Variants in ELFN2 observed in about 807,000 individuals in gnomAD.
The protein encoded by ELFN2 is extracellular leucine rich repeat and fibronectin type III domain containing 2, also known as protein phosphatase 1 regulatory subunit 29.
ELFN2 carries 17 observed loss-of-function variants against 45.5 expected under a neutral mutation model. The ratio of observed to expected loss-of-function variants is 0.37; its 90% confidence interval spans 0.26 to 0.56. ELFN2 has a LOEUF of 0.56. Among genes scored for constraint, ELFN2 ranks in the 20% least tolerant of loss-of-function variants. The probability of loss-of-function intolerance (pLI) is 0.77; values close to 1 mark genes in which losing one functional copy is unlikely to be tolerated. For missense variants in ELFN2, 922 were observed against 1,183.2 expected (o/e 0.78, Z 3.24); for synonymous variants, 550 against 551.5 (o/e 1.00, Z 0.04).
downstream of ELFN2, among the ~76,000 whole-genome samples, chr22:37,367,589 C>T (rs1211969464): frequency 1.1e-4 from 16 of 152,346 alleles, no homozygotes; most frequent in Admixed American, 4.6e-4. Flanking sequence ...AATGCCCCCA[C>T]ATGGCCCTGC....
In ELFN2 at chr22:37,373,539, T is replaced by C. The variant is rs942841275; in HGVS notation, c.1996A>G (p.Lys666Glu). The change falls in exon 3 of 3, where the codon AAG (lysine) becomes GAG (glutamate). Residue 666 changes from lysine to glutamate, a missense_variant. Transcript: ENST00000402918. ...LAKGDSKYIE[K>E]GSPLNSPLDR... ...AGCGGGCTGTTGAGGGGGCTGCCCT[T>C]CTCGATGTACTTGGAGTCGCCCTTA... 6.3e-7 allele frequency: 1 copy of C among 1,585,800 alleles called. No individual in the cohort carries two copies. The highest frequency in any genetic ancestry group is 1.1e-5 in the South Asian group (1 of 87,750).
intron 1 of ELFN2, among the ~76,000 whole-genome samples, chr22:37,346,896 G>A (rs79106441): frequency 0.086 from 13,087 of 152,092 alleles, 620 homozygotes; most frequent in South Asian, 0.18. Context: ...GAGACAGGGC[G>A]TGGCTGGACT....
chr22:37,412,277 C>CAAAAAAAAAAAAAAAAAAAAAAAAAAA (rs56073200), intron 2 of ELFN2, among the ~76,000 whole-genome samples: 4 of 92,304 alleles, frequency 4.3e-5, no homozygotes, highest in African/African-American at 1.8e-4. Context: ...AACTCCGTCT[C>CAAAAAAAAAAAAAAAAAAAAAAAAAAA]AAAAAAAAAA....
chr22:37,403,155 C>T (rs900538831), intron 2 of ELFN2, among the ~76,000 whole-genome samples: 6 of 152,022 alleles, frequency 3.9e-5, no homozygotes, highest in Admixed American at 3.3e-4. Context: ...ATCGCAAGTC[C>T]CCCATGAGGT....
intron 2 of ELFN2, among the ~76,000 whole-genome samples, chr22:37,380,902 T>C (rs557642427): frequency 3.7e-4 from 56 of 152,290 alleles, no homozygotes; most frequent in Non-Finnish European, 7.2e-4. Context: ...TGGAGCTCCC[T>C]GGGCCTCAGT....
rs1325278673 is a variant in ELFN2 at position 37,387,407 on chromosome 22, AC to A, written c.-462-11412del. Among the ~76,000 whole-genome samples, 4 of 151,696 alleles carry A rather than the reference AC, an allele frequency of 2.6e-5. No individual in the cohort carries two copies. The East Asian group carries it at 7.8e-4, about 29-fold the overall frequency. ...CTTTCTCCCCCCTTCTCTCTCCCTC[AC>A]TTCAGCCTTGTCATGCATGCAAATG... On this transcript the variant is annotated intron_variant, in intron 2 of 2. Transcript: ENST00000402918.
At chr22:37,410,171 G>A (rs562699331) in intron 2 of ELFN2, among the ~76,000 whole-genome samples, 1 of 152,280 alleles carries the variant, frequency 6.6e-6, no homozygotes, top group East Asian at 1.9e-4. Flanking sequence ...CAAACAGACG[G>A]GGCAGGGCCA....
At chr22:37,356,685 C>T (rs1930958002) in intron 1 of ELFN2, among the ~76,000 whole-genome samples, 1 of 152,162 alleles carries the variant, frequency 6.6e-6, no homozygotes, top group African/African-American at 2.4e-5. Context: ...ACACTGATCC[C>T]TCACAATGAC....
chr22:37,379,410 T>C (rs529789979), intron 2 of ELFN2, among the ~76,000 whole-genome samples: 3 of 152,134 alleles, frequency 2.0e-5, no homozygotes, highest in Non-Finnish European at 4.4e-5. Flanking sequence ...GGTGCAGCCA[T>C]GCAGGCAAGC....
intron 2 of ELFN2, among the ~76,000 whole-genome samples, chr22:37,389,470 C>T (rs1156334887): frequency 1.3e-5 from 2 of 152,134 alleles, no homozygotes; most frequent in East Asian, 1.9e-4. Context: ...TCCCCTGGGC[C>T]GAGACCTTAT....
At chr22:37,386,584 G>A (rs1191826314) in intron 2 of ELFN2, among the ~76,000 whole-genome samples, 5 of 152,222 alleles carry the variant, frequency 3.3e-5, no homozygotes, top group African/African-American at 1.2e-4. Flanking sequence ...GGAGGTGGGA[G>A]GGTCCAGCCC....
intron 2 of ELFN2, among the ~76,000 whole-genome samples, chr22:37,396,343 C>G (rs999194774): frequency 1.3e-4 from 20 of 152,346 alleles, no homozygotes; most frequent in East Asian, 1.9e-4. Context: ...GTGTCCCCAC[C>G]ATGTCCCCGG....
chr22:37,375,634 T>A lies in ELFN2; in HGVS notation c.-100A>T. On this transcript the variant is annotated 5_prime_UTR_variant, in exon 3 of 3. It adds an upstream start codon to the 5' untranslated region. Transcript: ENST00000402918. ...AGTCCTCCCTGGGGCCGCCACCATC[T>A]TGGGGGCGACCCCCAGCACGGGGGC... The A allele has an allele frequency of 1.4e-6, 2 of 1,387,488 alleles. No homozygotes were observed. The highest frequency in any genetic ancestry group is 1.9e-6 in the Non-Finnish European group (2 of 1,043,870). 85.9% of individuals were successfully genotyped at this position (1,387,488 alleles called of 1,614,324 possible).
chr22:37,405,511 T>C (rs1200254139), intron 2 of ELFN2, among the ~76,000 whole-genome samples: 1 of 151,980 alleles, frequency 6.6e-6, no homozygotes, highest in Non-Finnish European at 1.5e-5. Context: ...GCCTGGGACA[T>C]AGCAAGCACT....
Position 37,373,750 on chromosome 22 carries a change from G to C in ELFN2, c.1785C>G (p.Ala595=). ...AAASSATGPG[A]LERPSFLSPP... is the part of the protein sequence containing the mutation. The stretch of plus-strand genomic sequence containing the variant: ...GCGAAAGGAAGCTGGGCCGCTCCAG[G>C]GCCCCGGGGCCAGTGGCTGAGGAGG... Residue 595 remains alanine (A), a synonymous_variant, in exon 3 of 3, where the codon GCC becomes GCG. Coordinates refer to ENST00000402918, the MANE Select transcript of ELFN2 (RefSeq NM_052906.5). 8 of 1,572,344 alleles carry C rather than the reference G, an allele frequency of 5.1e-6. No individual in the cohort carries two copies. Among genetic ancestry groups the C allele is most frequent in the Non-Finnish European group, 6.9e-6 (8 of 1,166,296 alleles).
intron 2 of ELFN2, among the ~76,000 whole-genome samples, chr22:37,389,252 C>G (rs767128527): frequency 7.2e-5 from 11 of 152,170 alleles, no homozygotes; most frequent in Middle Eastern, 3.4e-3. Context: ...CCCTCAACAG[C>G]CCACAATGGC....
At chr22:37,407,980 C>T (rs1470449102) in intron 2 of ELFN2, among the ~76,000 whole-genome samples, 1 of 152,212 alleles carries the variant, frequency 6.6e-6, no homozygotes, top group African/African-American at 2.4e-5. Context: ...AGAGCAACCC[C>T]TCTCCCTTCT....
chr22:37,360,910 G>A (rs940189201), intron 1 of ELFN2, among the ~76,000 whole-genome samples: 3 of 152,182 alleles, frequency 2.0e-5, no homozygotes, highest in African/African-American at 4.8e-5. Context: ...AGTGAAGCGC[G>A]GCGCTCCCCT....
intron 1 of ELFN2, among the ~76,000 whole-genome samples, chr22:37,421,806 TGGGA>T (rs373052307): frequency 3.7e-4 from 57 of 152,186 alleles, no homozygotes; most frequent in African/African-American, 1.3e-3. Context: ...TGACATGAAG[TGGGA>T]GAAATAAGAC....
Sources: allele counts gnomAD v4.1 joint callset (sites outside exome capture counted in the v4.1 genomes callset), GRCh38; gene constraint gnomAD v4.1.1; transcripts MANE v1.5; gene names NCBI Gene and HGNC (gene_info 2026-07-23, HGNC 2026-07-21).